The following EDRF1 variants were observed in gnomAD, a reference collection of about 807,000 sequenced individuals.
EDRF1 encodes the protein erythroid differentiation-related factor 1.
Under a neutral mutation model 148.7 loss-of-function variants are expected in EDRF1, and 69 were observed. That is an observed-to-expected ratio of 0.46 (90% confidence interval 0.38 to 0.57). EDRF1 has a LOEUF of 0.57. Ranked by LOEUF, EDRF1 falls within the 20% of genes least tolerant of loss-of-function variation. EDRF1 has a pLI of 0.00. For synonymous variants in EDRF1, 515 were observed against 532.8 expected (o/e 0.97, Z 0.46); for missense variants, 1,118 against 1,478.7 (o/e 0.76, Z 4.00).
rs1847890689 is a variant in EDRF1 at position 125,719,809 on chromosome 10, TG to T, written c.7del (p.Asp3?). The T allele has an allele frequency of 6.2e-7, 1 of 1,610,212 alleles. No homozygotes were observed. The highest frequency in any genetic ancestry group is 2.2e-5 in the East Asian group (1 of 44,768). ...TATCGCCTGCCCTGGATCGAAGTGA[TG>T]GGGGATGCCAAGGAGGCCGGAGCCG... Reference protein sequence around the residue: MGDAKEAGAEG... With the variant: XGDAKEAGAEG... On this transcript the variant is annotated frameshift_variant and start_lost, in exon 1 of 25. Transcript: ENST00000356792. LOFTEE classifies it high-confidence loss of function.
At chr10:125,723,169 G>A (rs1384915128) in intron 3 of EDRF1, 35 bp downstream of exon 3, 2 of 1,587,136 alleles carry the variant, frequency 1.3e-6, no homozygotes, top group Non-Finnish European at 1.7e-6. Flanking sequence ...TAATTTTGGA[G>A]GTGTTTTGTG....
rs1849329293 is a variant in EDRF1 at position 125,745,904 on chromosome 10, C to G, written c.2788C>G (p.Pro930Ala). The G allele has an allele frequency of 6.2e-7, 1 of 1,614,178 alleles. No individual in the cohort carries two copies. The highest frequency in any genetic ancestry group is 1.3e-5 in the African/African-American group (1 of 75,042). The change falls in exon 19 of 25, where the codon CCA (proline) becomes GCA (alanine). Residue 930 changes from proline to alanine, a missense_variant. By Grantham distance (27) the Pro-to-Ala change is conservative. This residue lies in a region of EDRF1 where 954 missense variants were observed against 1,241.4 expected (regional missense o/e 0.77). Transcript: ENST00000356792. The stretch of plus-strand genomic sequence containing the variant: ...GGATGAACTGAAACGTGAATTTTCA[C>G]CAGAAGAAGGCTTGTATTATAATAA... ...AGDELKREFSPEEGLYYNKAI... is the reference protein window; with the variant it reads ...AGDELKREFSAEEGLYYNKAI...
At chr10:125,760,127 G>A (rs537492988) in intron 24 of EDRF1, among the ~76,000 whole-genome samples, 28 of 152,366 alleles carry the variant, frequency 1.8e-4, no homozygotes, top group Non-Finnish European at 3.2e-4. Context: ...AGAGCCCTAA[G>A]GCGGAGCAGA....
chr10:125,720,321 C>T (rs1181257213), intron 1 of EDRF1, among the ~76,000 whole-genome samples: 3 of 152,166 alleles, frequency 2.0e-5, no homozygotes, highest in Non-Finnish European at 4.4e-5. Context: ...AGACGCCGAA[C>T]TTGCTTTGGG....
At position 125,753,811 on chromosome 10, in the gene EDRF1, A is replaced by G. The variant is rs773090500; in HGVS notation, c.3511A>G (p.Ile1171Val). The part of the protein sequence containing the change: ...SRLSFLLLQS[I>V]KLLSSTKKKT... ...GTTGTCATTTCTTCTCCTTCAGTCC[A>G]TTAAACTGCTATCTTCAACTAAAAA... Residue 1171 changes from isoleucine to valine, a missense_variant, in exon 24 of 25, where the codon ATT (isoleucine) becomes GTT (valine). Transcript: ENST00000356792. 1 of 1,613,512 alleles carries G rather than the reference A, an allele frequency of 6.2e-7. No homozygotes were observed. Among genetic ancestry groups the G allele is most frequent in the Non-Finnish European group, 8.5e-7 (1 of 1,180,016 alleles).
chr10:125,741,532 C>T (rs966228867), intron 17 of EDRF1: 20 of 346,984 alleles, frequency 5.8e-5, no homozygotes, highest in Non-Finnish European at 9.6e-5. Context: ...TGAGCCACCA[C>T]GCCTGGCCTG....
At chr10:125,752,298 CA>C (rs1391001956) in intron 22 of EDRF1, among the ~76,000 whole-genome samples, 8 of 152,218 alleles carry the variant, frequency 5.3e-5, no homozygotes, top group African/African-American at 1.9e-4. Flanking sequence ...TCTAGGAGAA[CA>C]GGAGCAAAGG....
chr10:125,748,285 A>G (rs898087906), intron 21 of EDRF1: 1 of 501,898 alleles, frequency 2.0e-6, no homozygotes, highest in African/African-American at 1.9e-5. Flanking sequence ...TTTGAGATAC[A>G]TCTGTGTTGG....
At chr10:125,732,337 G>A (rs1848515380) in intron 9 of EDRF1, among the ~76,000 whole-genome samples, 1 of 152,174 alleles carries the variant, frequency 6.6e-6, no homozygotes, top group Admixed American at 6.5e-5. Context: ...TAATGGTGGT[G>A]CCATTTAGTG....
At position 125,747,953 on chromosome 10, in the gene EDRF1, C is replaced by T. The variant is rs1400293803; in HGVS notation, c.3064C>T (p.Arg1022Ter). ...TGCTCGACAGCCCCTTTGTCAGTAT[C>T]GAGCTGCAACCATCCATCACAGGCT... ...VSARQPLCQY[R>*]AATIHHRLAS... Residue 1022 changes from arginine to a stop codon, truncating the protein, a stop_gained, in exon 21 of 25, where the codon CGA (arginine) becomes TGA (stop). Transcript: ENST00000356792. LOFTEE classifies it high-confidence loss of function. 2 of 1,614,202 alleles carry T rather than the reference C, an allele frequency of 1.2e-6. No individual in the cohort carries two copies. Among genetic ancestry groups the T allele is most frequent in the Non-Finnish European group, 1.7e-6 (2 of 1,180,028 alleles).
At chr10:125,744,988 A>C (rs1021537703) in intron 18 of EDRF1, 4 of 152,814 alleles carry the variant, frequency 2.6e-5, no homozygotes, top group Admixed American at 2.0e-4. Flanking sequence ...TGGGACATTA[A>C]GTCAAAATAA....
At position 125,763,416 on chromosome 10, in the gene EDRF1, C is replaced by T; in HGVS notation, c.3661C>T (p.His1221Tyr). ...TLLERINVIV[H>Y]LLGQLAAGSA... ...TCTGGAAAGAATCAACGTTATCGTC[C>T]ACCTGCTGGGCCAGCTTGCCGCCGG... Residue 1221 changes from histidine (H) to tyrosine (Y), a missense_variant, in exon 25 of 25, where the codon CAC becomes TAC. By Grantham distance (83) the His-to-Tyr change is moderately conservative. Around this residue, in one of 3 missense-constraint regions of EDRF1, gnomAD observed 954 missense variants for 1,241.4 expected, o/e 0.77. Transcript: ENST00000356792. The surrounding 1 kb of genome is among the most constrained non-coding windows in gnomAD (Gnocchi z 4.3). 1 of 1,611,822 alleles carries T rather than the reference C, an allele frequency of 6.2e-7. No homozygotes were observed. The highest frequency in any genetic ancestry group is 8.5e-7 in the Non-Finnish European group (1 of 1,180,024).
At chr10:125,745,651 C>G in intron 18 of EDRF1, 56 bp from the exon 19 acceptor site, 1 of 1,570,560 alleles carries the variant, frequency 6.4e-7, no homozygotes. Context: ...AGAGACAGTG[C>G]TAAGGTTTAC....
intron 7 of EDRF1, 111 bp downstream of exon 7, chr10:125,729,215 T>G (rs1447409597): frequency 2.1e-6 from 3 of 1,446,792 alleles, no homozygotes; most frequent in East Asian, 4.9e-5. Flanking sequence ...ATCCTGAAAC[T>G]GCTTTCTAAG....
At chr10:125,761,063 A>G (rs1189300455) in intron 24 of EDRF1, among the ~76,000 whole-genome samples, 3 of 152,192 alleles carry the variant, frequency 2.0e-5, no homozygotes, top group Non-Finnish European at 1.5e-5. Flanking sequence ...ATGTTAAACA[A>G]ATTTTTGTTT....
At chr10:125,749,637 G>T (rs751101076) in intron 22 of EDRF1, 72 bp downstream of exon 22, 7 of 1,544,930 alleles carry the variant, frequency 4.5e-6, no homozygotes, top group Admixed American at 3.3e-5. Flanking sequence ...AGTAAGGCAG[G>T]CCTGTGAATC....
intron 17 of EDRF1, among the ~76,000 whole-genome samples, chr10:125,742,022 C>A (rs1487049239): frequency 6.6e-6 from 1 of 152,184 alleles, no homozygotes; most frequent in African/African-American, 2.4e-5. Context: ...CTCTTCTTTT[C>A]ATGAGGTTCT....
chr10:125,730,226 C>A, intron 8 of EDRF1, 62 bp from the exon 9 acceptor site: 1 of 1,281,132 alleles, frequency 7.8e-7, no homozygotes, highest in Non-Finnish European at 1.1e-6. Context: ...AAATAACTTT[C>A]AGATGATTAA....
At position 125,752,976 on chromosome 10, in the gene EDRF1, A is replaced by G. The variant is rs570292781; in HGVS notation, c.3393+62A>G. 1.7e-4 allele frequency: 204 copies of G among 1,170,516 alleles called. 1 individual carries two copies. The highest frequency in any genetic ancestry group is 2.0e-4 in the Non-Finnish European group (159 of 780,374). The allele number at this position is 1,170,516 out of a possible 1,614,324, so 72.5% of individuals were successfully genotyped here. A position where few individuals can be genotyped will look rare whatever the true frequency, so the allele number is the denominator to read the frequency against. On this transcript the variant is annotated intron_variant, in intron 23 of 24. Transcript: ENST00000356792. ...GTCTTAAGCTACATGGTGAATGTAT[A>G]TAGTGGACGTGTGTGTGTATGTGTG...
Sources: allele counts gnomAD v4.1 joint callset (sites outside exome capture counted in the v4.1 genomes callset), GRCh38; gene constraint gnomAD v4.1.1; regional missense constraint gnomAD v4.1.1; non-coding constraint Gnocchi (gnomAD v3.1); transcripts MANE v1.5; gene names NCBI Gene and HGNC (gene_info 2026-07-23, HGNC 2026-07-21).